Variants in LIPA observed in about 807,000 individuals in gnomAD.
LIPA encodes the protein lysosomal acid lipase/cholesteryl ester hydrolase.
LIPA carries 26 observed loss-of-function variants against 40.6 expected under a neutral mutation model. The observed-to-expected ratio is 0.64, with a 90% confidence interval of 0.47 to 0.89. The LOEUF (loss-of-function observed/expected upper bound fraction) is 0.89, where lower values mean the gene tolerates loss of function less well. LIPA is among the 40% of genes least tolerant of loss of function. The pLI is 0.00. For synonymous variants in LIPA, 188 were observed against 168.4 expected (o/e 1.12, Z -0.90); for missense variants, 455 against 479.6 (o/e 0.95, Z 0.48).
chr10:89,358,669 G>A (rs12243051), intron 2 of LIPA, among the ~76,000 whole-genome samples: 2,484 of 152,230 alleles, frequency 0.016, 32 homozygotes, highest in African/African-American at 0.039. Flanking sequence ...AATAAGCTAG[G>A]CACAGAAAGA....
At position 89,247,525 on chromosome 10, in the gene LIPA, T is replaced by C. The variant is rs375237841; in HGVS notation, c.111+13A>G. 47 of 1,537,494 alleles carry C rather than the reference T, an allele frequency of 3.1e-5. No homozygotes were observed. Among genetic ancestry groups the C allele is most frequent in the Non-Finnish European group, 1.8e-5 (20 of 1,110,470 alleles). ...AGATGCATTTTAAAAGTACATAACTTTGAGAAACTTACCACATTCATGTTT... is the reference window on the plus strand; with the variant it reads ...AGATGCATTTTAAAAGTACATAACTCTGAGAAACTTACCACATTCATGTTT... On this transcript the variant is annotated intron_variant, in intron 2 of 9. Coordinates refer to ENST00000336233, the MANE Select transcript of LIPA (RefSeq NM_000235.4).
At chr10:89,377,782 G>T (rs1844133056) in intron 2 of LIPA, among the ~76,000 whole-genome samples, 1 of 152,100 alleles carries the variant, frequency 6.6e-6, no homozygotes, top group African/African-American at 2.4e-5. Flanking sequence ...TCTGCCACTG[G>T]TTTTTCCACA....
intron 1 of LIPA, among the ~76,000 whole-genome samples, chr10:89,316,472 G>C (rs1452262310): frequency 3.9e-5 from 6 of 152,222 alleles, no homozygotes; most frequent in African/African-American, 1.4e-4. Flanking sequence ...CTCACTGCTG[G>C]CACAGCAGTC....
chr10:89,224,717 G>A (rs1306344295), intron 6 of LIPA, among the ~76,000 whole-genome samples: 1 of 152,178 alleles, frequency 6.6e-6, no homozygotes, highest in African/African-American at 2.4e-5. Flanking sequence ...CTAGGGATGG[G>A]CTTTTGGGAA....
At position 89,222,597 on chromosome 10, in the gene LIPA, C is replaced by A. The variant is rs1234399047; in HGVS notation, c.823-15G>T. ...TCCACTCTAGACTGCAAAATAAATACATTGAAATGAAGAATGAAAACAGCA... is the reference window on the plus strand; with the variant it reads ...TCCACTCTAGACTGCAAAATAAATAAATTGAAATGAAGAATGAAAACAGCA... On this transcript the variant is annotated splice_polypyrimidine_tract_variant and intron_variant, in intron 7 of 9. Coordinates refer to ENST00000336233, the MANE Select transcript of LIPA (RefSeq NM_000235.4). 6.8e-7 allele frequency: 1 copy of A among 1,481,054 alleles called. No individual in the cohort carries two copies. Among genetic ancestry groups the A allele is most frequent in the Non-Finnish European group, 9.4e-7 (1 of 1,058,848 alleles). The allele number at this position is 1,481,054 out of a possible 1,614,324, so 91.7% of individuals were successfully genotyped here.
Position 89,240,844 on chromosome 10 carries a change from G to C in LIPA, c.229+4832C>G, listed in dbSNP as rs7074555. Among the ~76,000 whole-genome samples, 11 of 152,132 alleles carry C rather than the reference G, an allele frequency of 7.2e-5. No individual in the cohort carries two copies. In the South Asian group the frequency reaches 1.9e-3, roughly 26 times the overall value. Reference sequence around the variant, plus strand: ...CTTGAGCAGGGGACACTATTAAATCGCAATGTCACAGGAGGGCTGCAGGAG... The same window carrying C: ...CTTGAGCAGGGGACACTATTAAATCCCAATGTCACAGGAGGGCTGCAGGAG... On this transcript the variant is annotated intron_variant, in intron 3 of 9. Transcript: ENST00000336233.
rs749509091 is a variant in LIPA at position 89,225,114 on chromosome 10, C to T, written c.653G>A (p.Arg218Gln). 31 of 1,613,976 alleles carry T rather than the reference C, an allele frequency of 1.9e-5. 1 individual carries two copies. The highest frequency in any genetic ancestry group is 1.4e-4 in the South Asian group (13 of 91,074). Residue 218 changes from arginine (R) to glutamine (Q), a missense_variant, in exon 6 of 10, where the codon CGA becomes CAA. Transcript: ENST00000336233. ...TACCTTAATGAGATGATCTGGTAAT[C>T]GTCCTAATTTGGCCATAGGGCTAGT... ...FCTSPMAKLGRLPDHLIKDLF... is the reference protein window; with the variant it reads ...FCTSPMAKLGQLPDHLIKDLF...
intron 1 of LIPA, among the ~76,000 whole-genome samples, chr10:89,295,780 CT>C (rs1282719166): frequency 3.9e-5 from 6 of 152,308 alleles, no homozygotes; most frequent in African/African-American, 1.4e-4. Context: ...AGGCAGAACT[CT>C]TTCTAATAAG....
At chr10:89,379,400 C>A (rs1844144765) in intron 2 of LIPA, among the ~76,000 whole-genome samples, 1 of 152,072 alleles carries the variant, frequency 6.6e-6, no homozygotes, top group Non-Finnish European at 1.5e-5. Context: ...ATTTGAAAAA[C>A]CATTATACTA....
chr10:89,306,181 T>C (rs748131169), intron 1 of LIPA: 2 of 1,614,136 alleles, frequency 1.2e-6, no homozygotes, highest in Admixed American at 1.7e-5. Flanking sequence ...AATGCTTACG[T>C]AAAGCTGAAG....
At chr10:89,228,061 A>G in intron 4 of LIPA, 139 bp downstream of exon 4, 1 of 729,348 alleles carries the variant, frequency 1.4e-6, no homozygotes. Flanking sequence ...AGCAACATTT[A>G]AAACCTTTCA....
At chr10:89,312,504 C>A (rs1246712000) in intron 1 of LIPA, among the ~76,000 whole-genome samples, 1 of 152,022 alleles carries the variant, frequency 6.6e-6, no homozygotes, top group Non-Finnish European at 1.5e-5. Flanking sequence ...TTCTTCTGAT[C>A]AAAATTCCAA....
chr10:89,341,236 T>C (rs1843867087), intron 1 of LIPA, among the ~76,000 whole-genome samples: 1 of 152,190 alleles, frequency 6.6e-6, no homozygotes, highest in Non-Finnish European at 1.5e-5. Context: ...AGGGTTGCTG[T>C]AAGCCCAGGA....
At chr10:89,222,691 C>A in intron 7 of LIPA, 109 bp from the exon 8 acceptor site, 2 of 777,230 alleles carry the variant, frequency 2.6e-6, no homozygotes, top group Non-Finnish European at 4.6e-6. Context: ...GCCATAATCT[C>A]AAGTATGTGA....
At chr10:89,306,402 G>A (rs1564781630) in intron 1 of LIPA, 1 of 1,614,182 alleles carries the variant, frequency 6.2e-7, no homozygotes, top group Non-Finnish European at 8.5e-7. Context: ...CGGTTAAAGT[G>A]TGGAGGAAAC....
intron 2 of LIPA, among the ~76,000 whole-genome samples, chr10:89,376,843 C>A (rs1589625900): frequency 6.6e-6 from 1 of 152,198 alleles, no homozygotes; most frequent in African/African-American, 2.4e-5. Context: ...CATGACCACA[C>A]CTTACCACAT....
chr10:89,266,517 AAC>A (rs1053679279), intron 1 of LIPA, among the ~76,000 whole-genome samples: 1 of 152,242 alleles, frequency 6.6e-6, no homozygotes, highest in Admixed American at 6.5e-5. Flanking sequence ...GTGTATATGA[AAC>A]ACATATGAAT....
At chr10:89,329,049 G>C (rs997793953) in intron 1 of LIPA, among the ~76,000 whole-genome samples, 1 of 152,118 alleles carries the variant, frequency 6.6e-6, no homozygotes, top group Non-Finnish European at 1.5e-5. Flanking sequence ...ACCTCCTGGA[G>C]TTCTTCAGGG....
intron 2 of LIPA, chr10:89,393,230 A>G: frequency 3.9e-6 from 5 of 1,289,778 alleles, no homozygotes; most frequent in Non-Finnish European, 5.1e-6. Context: ...GCCTTCCTCC[A>G]TAGGCTTCTG....
Sources: allele counts gnomAD v4.1 joint callset (sites outside exome capture counted in the v4.1 genomes callset), GRCh38; gene constraint gnomAD v4.1.1; transcripts MANE v1.5; gene names NCBI Gene and HGNC (gene_info 2026-07-23, HGNC 2026-07-21).